The following SCARB2 variants were observed in gnomAD, a reference collection of about 807,000 sequenced individuals.
SCARB2 encodes the protein lysosome membrane protein 2.
In SCARB2, 29 loss-of-function variants were observed where a neutral mutation model predicts 58.6. That is an observed-to-expected ratio of 0.49 (90% CI 0.37 to 0.67). SCARB2 has a LOEUF of 0.67. Ranked by LOEUF, SCARB2 falls within the 30% of genes least tolerant of loss-of-function variation. The pLI is 0.00. For missense variants in SCARB2, 488 were observed against 578.5 expected (o/e 0.84, Z 1.60); for synonymous variants, 195 against 210.1 (o/e 0.93, Z 0.62).
At chr4:76,199,331 A>G (rs1732781479) in intron 1 of SCARB2, among the ~76,000 whole-genome samples, 1 of 152,234 alleles carries the variant, frequency 6.6e-6, no homozygotes, top group South Asian at 2.1e-4. Context: ...TTAAATTTGT[A>G]TTTCAGATAA....
At position 76,181,109 on chromosome 4, in the gene SCARB2, AAAG is replaced by A. The variant is rs1732374941; in HGVS notation, c.276-11_276-9del. The A allele has an allele frequency of 6.2e-7, 1 of 1,612,880 alleles. No individual in the cohort carries two copies. The highest frequency in any genetic ancestry group is 8.5e-7 in the Non-Finnish European group (1 of 1,179,588). On this transcript the variant is annotated splice_polypyrimidine_tract_variant and intron_variant, in intron 2 of 11. Transcript: ENST00000264896. ...GCTTTGTTTCTGAGTTCCCTAAAAG[AAAG>A]AAAAGGGTTTTATTTGAAAATAGAC...
upstream of SCARB2, chr4:76,214,486 T>G (rs1219617921): frequency 2.8e-6 from 1 of 362,502 alleles, no homozygotes; most frequent in African/African-American, 2.2e-5. Flanking sequence ...GAAGTTCCTT[T>G]TGACTGTAGG....
chr4:76,191,173 A>G (rs1406830390), intron 2 of SCARB2, among the ~76,000 whole-genome samples: 2 of 152,186 alleles, frequency 1.3e-5, no homozygotes. Context: ...AACTTTCTCT[A>G]CCCAGTACAC....
intron 1 of SCARB2, among the ~76,000 whole-genome samples, chr4:76,206,989 G>A (rs911045824): frequency 1.3e-5 from 2 of 151,964 alleles, no homozygotes; most frequent in Non-Finnish European, 2.9e-5. Context: ...TGGCCTTACA[G>A]GAATATAAAA....
chr4:76,184,765 G>C (rs1732452038), intron 2 of SCARB2: 1 of 377,136 alleles, frequency 2.7e-6, no homozygotes, highest in South Asian at 2.1e-5. Context: ...ATGAGCAACA[G>C]AGCAAGACTT....
intron 1 of SCARB2, among the ~76,000 whole-genome samples, chr4:76,204,184 C>T (rs1732884589): frequency 6.6e-6 from 1 of 152,092 alleles, no homozygotes; most frequent in South Asian, 2.1e-4. Context: ...AAAATTGCTC[C>T]CTGAAACGAA....
intron 4 of SCARB2, chr4:76,177,049 A>G (rs1732265217): frequency 6.5e-6 from 1 of 152,814 alleles, no homozygotes; most frequent in African/African-American, 2.4e-5. Context: ...AAAAAATTTA[A>G]TCTTCATCTA....
At position 76,213,591 on chromosome 4, in the gene SCARB2, C is replaced by T. The variant is rs1057522858; in HGVS notation, c.-48G>A. 1 of 1,510,882 alleles carries T rather than the reference C, an allele frequency of 6.6e-7. No individual in the cohort carries two copies. Among genetic ancestry groups the T allele is most frequent in the Non-Finnish European group, 9.2e-7 (1 of 1,091,744 alleles). The allele number at this position is 1,510,882 out of a possible 1,614,324, so 93.6% of individuals were successfully genotyped here. ...GGCCGGGCCGCACCCGCCAGGGATC[C>T]AACTGCAAGGAGGGAGGAGCCGCCG... On this transcript the variant is annotated 5_prime_UTR_variant, in exon 1 of 12. Coordinates refer to ENST00000264896, the MANE Select transcript of SCARB2 (RefSeq NM_005506.4).
intron 10 of SCARB2, chr4:76,164,005 T>C (rs945924450): frequency 6.3e-6 from 1 of 157,654 alleles, no homozygotes; most frequent in African/African-American, 2.4e-5. Flanking sequence ...ACATCTATAG[T>C]AATCAGGACC....
At chr4:76,193,032 A>G in intron 2 of SCARB2, 1 of 152,118 alleles carries the variant, frequency 6.6e-6, no homozygotes, top group Non-Finnish European at 1.5e-5. Flanking sequence ...AGGCCCTGAG[A>G]CCTAAGAGGA....
chr4:76,213,411 G>C lies in SCARB2; in HGVS notation c.117+16C>G, dbSNP rs962368903. 1 of 1,559,846 alleles carries C rather than the reference G, an allele frequency of 6.4e-7. No homozygotes were observed. Among genetic ancestry groups the C allele is most frequent in the Non-Finnish European group, 8.8e-7 (1 of 1,137,800 alleles). ...TGGACGACTCCACAACACACACACA[G>C]CCCGCCCCGCCTCACCTTCTCGATA... On this transcript the variant is annotated intron_variant, in intron 1 of 11. Transcript: ENST00000264896.
In SCARB2 at chr4:76,213,511, C is replaced by T. The variant is rs774721226; in HGVS notation, c.33G>A (p.Thr11=). 4 of 1,610,302 alleles carry T rather than the reference C, an allele frequency of 2.5e-6. No homozygotes were observed. The highest frequency in any genetic ancestry group is 2.2e-5 in the East Asian group (1 of 44,686). MGRCCFYTAG[T]LSLLLLVTSV... ...TGGTCACCAGCAGGAGCAGGGACAACGTCCCCGCCGTGTAGAAGCAGCATC... is the reference window on the plus strand; with the variant it reads ...TGGTCACCAGCAGGAGCAGGGACAATGTCCCCGCCGTGTAGAAGCAGCATC... The change falls in exon 1 of 12, where the codon ACG becomes ACA. Residue 11 remains threonine (T), a synonymous_variant. Transcript: ENST00000264896.
chr4:76,208,320 C>T (rs781005318), intron 1 of SCARB2, among the ~76,000 whole-genome samples: 14 of 152,114 alleles, frequency 9.2e-5, no homozygotes, highest in Admixed American at 2.0e-4. Flanking sequence ...ATCACAAGAT[C>T]GTGTTTCTAA....
rs373250137 is a variant in SCARB2 at position 76,172,934 on chromosome 4, G to A, written c.994+1210C>T. 1.4e-4 allele frequency: 22 copies of A among 152,318 alleles called. No individual in the cohort carries two copies. The East Asian group carries it at 2.1e-3, about 15-fold the overall frequency. 9.4% of individuals were successfully genotyped at this position (152,318 alleles called of 1,614,324 possible). A position where few individuals can be genotyped will look rare whatever the true frequency, so the allele number is the denominator to read the frequency against. ...ATTTTAAAGAGGAATTACAGCCCAA[G>A]AGGGAATCACAGGGCAAATATGAGA... On this transcript the variant is annotated intron_variant, in intron 7 of 11. Transcript: ENST00000264896.
chr4:76,220,960 G>T (rs1478713722), intron 1 of SCARB2, among the ~76,000 whole-genome samples: 1 of 152,160 alleles, frequency 6.6e-6, no homozygotes, highest in Non-Finnish European at 1.5e-5. Context: ...GGGGATGGCA[G>T]CTTCCTCCTG....
At chr4:76,174,047 A>T in intron 7 of SCARB2, 97 bp downstream of exon 7, 1 of 1,431,930 alleles carries the variant, frequency 7.0e-7, no homozygotes, top group Non-Finnish European at 9.8e-7. Context: ...CTGGGACTGT[A>T]GGTGTGCGCC....
At chr4:76,170,078 A>T (rs1732098754) in intron 7 of SCARB2, 93 bp from the exon 8 acceptor site, 2 of 1,091,426 alleles carry the variant, frequency 1.8e-6, no homozygotes, top group South Asian at 2.6e-5. Context: ...CTGGTTCCTA[A>T]AGAAAAACAA....
At chr4:76,224,541 TAAAC>T (rs1560728296) in intron 1 of SCARB2, among the ~76,000 whole-genome samples, 1 of 152,152 alleles carries the variant, frequency 6.6e-6, no homozygotes, top group Non-Finnish European at 1.5e-5. Flanking sequence ...AGAGAAAGAA[TAAAC>T]AATTATAACT....
intron 1 of SCARB2, among the ~76,000 whole-genome samples, chr4:76,196,913 G>A (rs145869136): frequency 1.3e-5 from 2 of 152,312 alleles, no homozygotes; most frequent in East Asian, 3.9e-4. Flanking sequence ...TGTATTTGGA[G>A]TCGGGGTCTT....
Sources: allele counts gnomAD v4.1 joint callset (sites outside exome capture counted in the v4.1 genomes callset), GRCh38; gene constraint gnomAD v4.1.1; transcripts MANE v1.5; gene names NCBI Gene and HGNC (gene_info 2026-07-23, HGNC 2026-07-21).